The following CYBB variants were observed in gnomAD, a reference collection of about 807,000 sequenced individuals.
CYBB encodes the protein cytochrome b-245 beta chain.
Under a neutral mutation model 46.5 loss-of-function variants are expected in CYBB, and 5 were observed. The ratio of observed to expected loss-of-function variants is 0.11; its 90% CI spans 0.06 to 0.23. The LOEUF (loss-of-function observed/expected upper bound fraction) is 0.23, where lower values mean the gene tolerates loss of function less well. Among genes scored for constraint, CYBB ranks in the 10% least tolerant of loss-of-function variants. The pLI is 1.00. For missense variants in CYBB, 307 were observed against 428.3 expected, an observed-to-expected ratio of 0.72 and a Z score of 2.50; for synonymous variants, 183 against 156.7, an observed-to-expected ratio of 1.17 and a Z score of -1.26.
At chrX:37,788,686 A>T (rs892192701) in intron 3 of CYBB, among the ~76,000 whole-genome samples, 3 of 111,239 alleles carry the variant, frequency 2.7e-5, no homozygotes, top group African/African-American at 9.8e-5. Flanking sequence ...GAGGACTGGG[A>T]CCCAACATAG....
chrX:37,803,202 A>C (rs1929481155), intron 8 of CYBB, among the ~76,000 whole-genome samples: 1 of 111,173 alleles, frequency 9.0e-6, no homozygotes. Flanking sequence ...GTTGCTACAT[A>C]ACTAGTCAAT....
rs1929705424 is a variant in CYBB, at chrX:37,813,032, C to G, written c.*2115C>G. On this transcript the variant is annotated 3_prime_UTR_variant, in exon 13 of 13. Coordinates refer to ENST00000378588, the MANE Select transcript of CYBB (RefSeq NM_000397.4). Reference sequence around the variant, plus strand: ...TTCATTTGTTGCTCCGAGAGTGTTTCTCCAAGGTTTTCTATCTTCAAAACC... The same window carrying G: ...TTCATTTGTTGCTCCGAGAGTGTTTGTCCAAGGTTTTCTATCTTCAAAACC... 1 of 111,391 alleles carries G rather than the reference C, an allele frequency of 9.0e-6. No homozygotes were observed. The highest frequency in any genetic ancestry group is 3.8e-4 in the South Asian group (1 of 2,648). 9.2% of individuals were successfully genotyped at this position (111,391 alleles called of 1,213,427 possible).
chrX:37,803,743 G>A, intron 8 of CYBB, 134 bp from the exon 9 acceptor site: 1 of 609,935 alleles, frequency 1.6e-6, no homozygotes, highest in Non-Finnish European at 2.7e-6. Flanking sequence ...CACATCTGCT[G>A]GAGGAACTCC....
rs1324179037 is a variant in CYBB at position 37,793,932 on chromosome X, C to T, written c.483+122C>T. On this transcript the variant is annotated intron_variant, in intron 5 of 12. Transcript: ENST00000378588. ...AAAAGTTGGCTAACCATCAGAGGGA[C>T]AAGTCTGTAGGTTACAATAATGGGA... 8 of 626,174 alleles carry T rather than the reference C, an allele frequency of 1.3e-5. No homozygotes were observed. The African/African-American group carries it at 1.6e-4, about 12-fold the overall frequency. The allele number at this position is 626,174 out of a possible 1,213,427, so 51.6% of individuals were successfully genotyped here.
intron 12 of CYBB, among the ~76,000 whole-genome samples, chrX:37,809,916 C>A (rs1929636742): frequency 1.8e-5 from 2 of 111,840 alleles, no homozygotes; most frequent in Admixed American, 1.9e-4. Flanking sequence ...ATTTCCAGGT[C>A]CCCATCTCAG....
chrX:37,782,015 A>G (rs868954428), intron 1 of CYBB, 73 bp from the exon 2 acceptor site: 2 of 882,832 alleles, frequency 2.3e-6, no homozygotes, highest in African/African-American at 2.0e-5. Context: ...CCTGACCCTT[A>G]TCTGACTCCA....
Position 37,783,499 on chromosome X carries a change from G to A in CYBB, c.151G>A (p.Ala51Thr). 1 of 1,202,748 alleles carries A rather than the reference G, an allele frequency of 8.3e-7. No individual in the cohort carries two copies. The highest frequency in any genetic ancestry group is 3.0e-5 in the East Asian group (1 of 33,808). The change falls in exon 3 of 13, where the codon GCA (alanine) becomes ACA (threonine). Residue 51 changes from alanine (A) to threonine (T), a missense_variant. Physicochemically the swap from Ala to Thr is moderately conservative, Grantham distance 58. Transcript: ENST00000378588. Reference sequence around the variant, plus strand: ...TTCCCGCCTCTTCTAGTCAGCACTGGCACTGGCCAGGGCCCCTGCAGCCTG... The same window carrying A: ...TTCCCGCCTCTTCTAGTCAGCACTGACACTGGCCAGGGCCCCTGCAGCCTG... ...YTRKLLGSAL[A>T]LARAPAACLN...
At chrX:37,787,084 T>TAGATA in intron 3 of CYBB, among the ~76,000 whole-genome samples, 1 of 112,075 alleles carries the variant, frequency 8.9e-6, no homozygotes, top group Admixed American at 9.4e-5. Context: ...GATTAAGTTA[T>TAGATA]AGATAGGCCA....
At chrX:37,806,799 G>A (rs782761060) in intron 11 of CYBB, among the ~76,000 whole-genome samples, 12 of 110,730 alleles carry the variant, frequency 1.1e-4, no homozygotes, top group Non-Finnish European at 1.7e-4. Flanking sequence ...TCTGAAACCA[G>A]GTGATTGAGA....
chrX:37,791,817 C>A (rs1206587498), intron 3 of CYBB, among the ~76,000 whole-genome samples, 158 bp from the exon 4 acceptor site: 1 of 111,903 alleles, frequency 8.9e-6, no homozygotes, highest in East Asian at 2.8e-4. Flanking sequence ...GACTGCATCT[C>A]TCTGAACCTC....
At chrX:37,806,232 T>C (rs1167682046) in intron 10 of CYBB, among the ~76,000 whole-genome samples, 155 bp from the exon 11 acceptor site, 1 of 112,326 alleles carries the variant, frequency 8.9e-6, no homozygotes, top group Admixed American at 9.4e-5. Flanking sequence ...TCATGTAAAC[T>C]ACCCTGTGAA....
At chrX:37,807,754 TGA>T (rs1230800884) in intron 11 of CYBB, among the ~76,000 whole-genome samples, 1 of 111,549 alleles carries the variant, frequency 9.0e-6, no homozygotes, top group Non-Finnish European at 1.9e-5. Flanking sequence ...GTGTGTACAA[TGA>T]GAGTGCTCTT....
chrX:37,798,174 T>C (rs1929355513), intron 6 of CYBB: 1 of 111,928 alleles, frequency 8.9e-6, no homozygotes, highest in African/African-American at 3.2e-5. Context: ...TTCTTATATA[T>C]TCTGAAGATG....
chrX:37,795,082 G>A (rs2146811025), intron 5 of CYBB, among the ~76,000 whole-genome samples: 1 of 111,444 alleles, frequency 9.0e-6, no homozygotes, highest in South Asian at 3.7e-4. Context: ...AGTTGTTCCT[G>A]GATCACTTTT....
chrX:37,810,795 A>G lies in CYBB; in HGVS notation c.1591A>G (p.Arg531Gly). The G allele has an allele frequency of 8.3e-7, 1 of 1,209,170 alleles. No individual in the cohort carries two copies. Among genetic ancestry groups the G allele is most frequent in the East Asian group, 3.0e-5 (1 of 33,778 alleles). Residue 531 changes from arginine (R) to glycine (G), a missense_variant, in exon 13 of 13, where the codon AGA becomes GGA. Arg to Gly is a moderately radical substitution (Grantham distance 125). Coordinates refer to ENST00000378588, the MANE Select transcript of CYBB (RefSeq NM_000397.4). The stretch of plus-strand genomic sequence containing the variant: ...TTTTTTTTTCTTTCCCAAAAGTACC[A>G]GAATAGGAGTTTTCCTCTGTGGACC... ...KTIASQHPNTRIGVFLCGPEA... is the reference protein window; with the variant it reads ...KTIASQHPNTGIGVFLCGPEA...
intron 5 of CYBB, among the ~76,000 whole-genome samples, chrX:37,795,301 G>C (rs990092030): frequency 1.8e-5 from 2 of 111,286 alleles, no homozygotes; most frequent in Non-Finnish European, 3.8e-5. Context: ...TATGAAACCT[G>C]GCTTCCTTGC....
At chrX:37,809,746 G>T (rs1929633725) in intron 12 of CYBB, 55 bp downstream of exon 12, 1 of 1,157,361 alleles carries the variant, frequency 8.6e-7, no homozygotes, top group Admixed American at 2.3e-5. Flanking sequence ...TAAAGCGGCA[G>T]CCCCTATACA....
At position 37,811,185 on chromosome X, in the gene CYBB, C is replaced by T. The variant is rs535570203; in HGVS notation, c.*268C>T. On this transcript the variant is annotated 3_prime_UTR_variant, in exon 13 of 13. Coordinates refer to ENST00000378588, the MANE Select transcript of CYBB (RefSeq NM_000397.4). ...GGAAGTTAGGGAAAAGATTCTTGGA[C>T]TCAATTTTAGAATCAAAAGGGAAAG... The T allele has an allele frequency of 2.9e-4, 81 of 275,513 alleles. 1 individual carries two copies. In the South Asian group the frequency reaches 3.1e-3, roughly 11 times the overall value. The allele number at this position is 275,513 out of a possible 1,213,427, so 22.7% of individuals were successfully genotyped here.
In CYBB at chrX:37,793,649, TCTC is replaced by T; in HGVS notation, c.338-15_338-13del. 8 of 1,207,206 alleles carry T rather than the reference TCTC, an allele frequency of 6.6e-6. No homozygotes were observed. Among genetic ancestry groups the T allele is most frequent in the Non-Finnish European group, 9.0e-6 (8 of 892,988 alleles). On this transcript the variant is annotated splice_polypyrimidine_tract_variant and intron_variant, in intron 4 of 12. Coordinates refer to ENST00000378588, the MANE Select transcript of CYBB (RefSeq NM_000397.4). ...TACCCTTCATTCTCTTTGTTTCTCT[TCTC>T]TGCCCTTTTCAGCGATTCACACCAT...
Sources: allele counts gnomAD v4.1 joint callset (sites outside exome capture counted in the v4.1 genomes callset), GRCh38; gene constraint gnomAD v4.1.1; transcripts MANE v1.5; gene names NCBI Gene and HGNC (gene_info 2026-07-23, HGNC 2026-07-21).